ERC2: variants seen among roughly 807,000 people sequenced by gnomAD.
The protein encoded by ERC2 is ELKS/RAB6-interacting/CAST family member 2, also known as ERC protein 2.
ERC2 carries 42 observed loss-of-function variants against 114.8 expected under a neutral mutation model. The ratio of observed to expected loss-of-function variants is 0.37; its 90% CI spans 0.29 to 0.47. The LOEUF is 0.47. ERC2 is among the 20% of genes least tolerant of loss of function. The pLI is 0.99. For synonymous variants in ERC2, 454 were observed against 425.5 expected, an observed-to-expected ratio of 1.07 and a Z score of -0.82; for missense variants, 939 against 1,150.7, an observed-to-expected ratio of 0.82 and a Z score of 2.66.
intron 6 of ERC2, among the ~76,000 whole-genome samples, chr3:56,086,790 G>A (rs944705329): frequency 6.6e-6 from 1 of 151,972 alleles, no homozygotes; most frequent in Admixed American, 6.6e-5. Flanking sequence ...ACTCAACAGA[G>A]TACATCACTT....
At position 55,954,081 on chromosome 3, in the gene ERC2, TA is replaced by T. The variant is rs58512381; in HGVS notation, c.2268-3522del. 4.6e-3 allele frequency among the ~76,000 whole-genome samples: 233 copies of T among 50,308 alleles called. 1 individual carries two copies. Among genetic ancestry groups the T allele is most frequent in the African/African-American group, 0.012 (145 of 11,686 alleles). 33.0% of individuals were successfully genotyped at this position (50,308 alleles called of 152,430 possible). A position where few individuals can be genotyped will look rare whatever the true frequency, so the allele number is the denominator to read the frequency against. ...CAAGAGACTGACTTGCTCCATTATT[TA>T]AAAAAAAAAAAAAAAAAAAAAAAAA... On this transcript the variant is annotated intron_variant, in intron 12 of 17. Coordinates refer to ENST00000288221, the MANE Select transcript of ERC2 (RefSeq NM_015576.3).
chr3:56,176,069 A>G (rs1215015607), intron 3 of ERC2, among the ~76,000 whole-genome samples: 1 of 152,214 alleles, frequency 6.6e-6, no homozygotes. Flanking sequence ...CACTGTACCA[A>G]TAAAAACTCA....
intron 7 of ERC2, among the ~76,000 whole-genome samples, chr3:56,033,054 AAG>A (rs1491317362): frequency 1.3e-3 from 153 of 119,986 alleles, no homozygotes; most frequent in Middle Eastern, 4.4e-3. Context: ...GAAAGAAAGA[AAG>A]AAAGAAAGAA....
At chr3:56,110,560 T>G (rs966507543) in intron 6 of ERC2, among the ~76,000 whole-genome samples, 1 of 152,174 alleles carries the variant, frequency 6.6e-6, no homozygotes, top group Non-Finnish European at 1.5e-5. Context: ...TTTAATATAA[T>G]GTACATACAA....
At chr3:56,112,417 G>C (rs1171214802) in intron 6 of ERC2, among the ~76,000 whole-genome samples, 1 of 130,924 alleles carries the variant, frequency 7.6e-6, no homozygotes, top group Non-Finnish European at 1.6e-5. Flanking sequence ...AACCTTGAGT[G>C]AGAAAAGACA....
intron 11 of ERC2, among the ~76,000 whole-genome samples, chr3:55,987,021 A>C (rs2070692604): frequency 6.6e-6 from 1 of 152,182 alleles, no homozygotes; most frequent in African/African-American, 2.4e-5. Flanking sequence ...AACAAAACAA[A>C]ATAAAATAAA....
chr3:56,232,279 T>C (rs934469482), intron 3 of ERC2, among the ~76,000 whole-genome samples: 3 of 151,648 alleles, frequency 2.0e-5, no homozygotes, highest in African/African-American at 7.3e-5. Flanking sequence ...TATATTTTGT[T>C]AATTATAAAC....
At chr3:56,212,242 C>G (rs2049110817) in intron 3 of ERC2, among the ~76,000 whole-genome samples, 2 of 152,032 alleles carry the variant, frequency 1.3e-5, no homozygotes, top group Admixed American at 1.3e-4. Context: ...CTACAAGGAA[C>G]TCATACAAAT....
rs540424377 is a variant in ERC2 at position 55,550,204 on chromosome 3, A to C, written c.*40-38928T>G. ...GCCTTTGCACCACCTGTTTCCCCTC[A>C]GCTCAAGTGTCACTGCCTCCAGGAA... On this transcript the variant is annotated intron_variant, in intron 17 of 17. Transcript: ENST00000288221. Among the ~76,000 whole-genome samples, 8 of 152,064 alleles carry C rather than the reference A, an allele frequency of 5.3e-5. No homozygotes were observed. The South Asian group carries it at 1.7e-3, about 32-fold the overall frequency.
chr3:56,102,386 G>C (rs920339960), intron 6 of ERC2, among the ~76,000 whole-genome samples: 1 of 152,008 alleles, frequency 6.6e-6, no homozygotes, highest in African/African-American at 2.4e-5. Flanking sequence ...TTCATTCCTG[G>C]CAACTTATTT....
At chr3:55,624,016 T>C (rs1351660731) in intron 17 of ERC2, among the ~76,000 whole-genome samples, 1 of 152,154 alleles carries the variant, frequency 6.6e-6, no homozygotes, top group Non-Finnish European at 1.5e-5. Context: ...CCAACGGTGA[T>C]CAAGAGAAGG....
At chr3:56,005,906 C>A (rs187267937) in intron 10 of ERC2, among the ~76,000 whole-genome samples, 29 of 152,152 alleles carry the variant, frequency 1.9e-4, no homozygotes, top group Non-Finnish European at 2.1e-4. Flanking sequence ...GAATGTATGT[C>A]ATATACCCAA....
At chr3:56,397,177 T>A (rs2060341220) in intron 2 of ERC2, among the ~76,000 whole-genome samples, 1 of 151,722 alleles carries the variant, frequency 6.6e-6, no homozygotes, top group African/African-American at 2.4e-5. Flanking sequence ...ATTCAAAGAG[T>A]ACAAAAAGAT....
chr3:55,985,024 C>T (rs2070479229), intron 12 of ERC2, among the ~76,000 whole-genome samples: 1 of 152,212 alleles, frequency 6.6e-6, no homozygotes, highest in South Asian at 2.1e-4. Context: ...ATAATTATCG[C>T]TTGCCTCTCA....
intron 14 of ERC2, among the ~76,000 whole-genome samples, chr3:55,850,403 T>C (rs1241661637): frequency 1.3e-5 from 2 of 152,242 alleles, no homozygotes; most frequent in African/African-American, 4.8e-5. Flanking sequence ...TAATGTGTAT[T>C]AAGTCATTTT....
chr3:56,195,049 A>T (rs1338459132), intron 3 of ERC2, among the ~76,000 whole-genome samples: 3 of 152,224 alleles, frequency 2.0e-5, no homozygotes, highest in Non-Finnish European at 4.4e-5. Context: ...AATTAGACAC[A>T]GTAAGAGATT....
chr3:56,396,753 AT>A (rs553702097), intron 2 of ERC2, among the ~76,000 whole-genome samples: 108 of 152,098 alleles, frequency 7.1e-4, no homozygotes, highest in South Asian at 1.7e-3. Context: ...GAAAGGAAAG[AT>A]TTTTTTTCAA....
intron 3 of ERC2, among the ~76,000 whole-genome samples, chr3:56,184,463 A>G (rs2083468699): frequency 6.6e-6 from 1 of 152,188 alleles, no homozygotes; most frequent in African/African-American, 2.4e-5. Flanking sequence ...TATAACTTAC[A>G]CAATGATTAT....
At chr3:56,064,551 A>T (rs952374751) in intron 7 of ERC2, among the ~76,000 whole-genome samples, 1 of 152,248 alleles carries the variant, frequency 6.6e-6, no homozygotes, top group Admixed American at 6.5e-5. Context: ...TTCACAAAAA[A>T]GCTACAGAAC....
Sources: gnomAD v4.1 joint callset for allele counts (sites outside exome capture counted in the v4.1 genomes callset) on GRCh38, gnomAD v4.1.1 for gene constraint, MANE v1.5 for transcripts, NCBI Gene and HGNC (gene_info 2026-07-23, HGNC 2026-07-21) for gene names.